The following ME2 variants were observed in gnomAD, a reference collection of about 807,000 sequenced individuals.
ME2 encodes NAD-dependent malic enzyme, mitochondrial.
Under a neutral mutation model 73.7 loss-of-function variants are expected in ME2, and 60 were observed. The ratio of observed to expected loss-of-function variants is 0.81; its 90% CI spans 0.66 to 1.01. The LOEUF is 1.01. ME2 is among the 50% of genes least tolerant of loss of function. ME2 has a pLI of 0.00. For missense variants in ME2, 594 were observed against 705.5 expected (o/e 0.84, Z 1.79); for synonymous variants, 199 against 236.9 (o/e 0.84, Z 1.47).
intron 1 of ME2, among the ~76,000 whole-genome samples, chr18:50,886,948 C>G (rs1916487385): frequency 6.6e-6 from 1 of 152,012 alleles, no homozygotes; most frequent in Non-Finnish European, 1.5e-5. Context: ...CTGCAGTGAG[C>G]TGAGATCGTG....
chr18:50,908,332 A>T, intron 3 of ME2, 136 bp downstream of exon 3: 1 of 583,348 alleles, frequency 1.7e-6, no homozygotes, highest in Non-Finnish European at 2.8e-6. Context: ...TTTTATAAAG[A>T]TTGTGTTTCT....
rs1443317443 is a variant in ME2 at position 50,879,137 on chromosome 18, C to A, written c.-184C>A. The A allele has an allele frequency of 2.0e-5, 3 of 152,212 alleles. No individual in the cohort carries two copies. The highest frequency in any genetic ancestry group is 1.3e-4 in the Admixed American group (2 of 15,288). 9.4% of individuals were successfully genotyped at this position (152,212 alleles called of 1,614,324 possible). A position where few individuals can be genotyped will look rare whatever the true frequency, so the allele number is the denominator to read the frequency against. Reference sequence around the variant, plus strand: ...TCCCCTCTCTCGGCCGCTCTTCGGGCCGCCTCTGCGTGTGGGGCCGCCCGC... The same window carrying A: ...TCCCCTCTCTCGGCCGCTCTTCGGGACGCCTCTGCGTGTGGGGCCGCCCGC... On this transcript the variant is annotated 5_prime_UTR_variant, in exon 1 of 16. Coordinates refer to ENST00000321341, the MANE Select transcript of ME2 (RefSeq NM_002396.5).
chr18:50,922,830 C>T (rs1917461587), intron 10 of ME2, among the ~76,000 whole-genome samples: 1 of 152,178 alleles, frequency 6.6e-6, no homozygotes, highest in Non-Finnish European at 1.5e-5. Context: ...ACTGTTTGCT[C>T]AGCCTGGTTT....
chr18:50,915,973 A>G (rs1599106873), intron 4 of ME2, 195 bp from the exon 5 acceptor site: 2 of 443,270 alleles, frequency 4.5e-6, no homozygotes, highest in East Asian at 7.3e-5. Flanking sequence ...TCTTTGTTGC[A>G]TCTGCTATGA....
At chr18:50,946,818 C>A (rs184263304) in intron 15 of ME2, among the ~76,000 whole-genome samples, 199 bp from the exon 16 acceptor site, 5 of 152,294 alleles carry the variant, frequency 3.3e-5, no homozygotes, top group Non-Finnish European at 5.9e-5. Context: ...CACAGTAGAA[C>A]TTAAATGTGT....
rs1234501335 is a variant in ME2 at position 50,921,177 on chromosome 18, T to A, written c.1046T>A (p.Leu349Ter). The A allele has an allele frequency of 6.4e-7, 1 of 1,554,648 alleles. No individual in the cohort carries two copies. The highest frequency in any genetic ancestry group is 8.8e-7 in the Non-Finnish European group (1 of 1,135,966). Residue 349 changes from leucine to a stop codon, truncating the protein, a stop_gained, in exon 10 of 16, where the codon TTA becomes TAA. Coordinates refer to ENST00000321341, the MANE Select transcript of ME2 (RefSeq NM_002396.5). LOFTEE classifies it high-confidence loss of function. ...KKIWMFDKYG[L>*]LVKGRKAKID... The stretch of plus-strand genomic sequence containing the variant: ...ATCTGGATGTTTGACAAGTATGGTT[T>A]ATTAGTTAAGGTAAGGTATTTAAAA...
intron 1 of ME2, among the ~76,000 whole-genome samples, chr18:50,881,064 T>G (rs954004370): frequency 7.9e-5 from 12 of 152,244 alleles, no homozygotes; most frequent in Non-Finnish European, 1.3e-4. Context: ...GTTTTGCTCT[T>G]GTTGCCCAGG....
At chr18:50,928,389 C>A (rs577039704) in intron 12 of ME2, among the ~76,000 whole-genome samples, 1 of 151,762 alleles carries the variant, frequency 6.6e-6, no homozygotes, top group Non-Finnish European at 1.5e-5. Flanking sequence ...GGGTGCCCGC[C>A]ACCATGCCCG....
chr18:50,892,073 G>A (rs1207692233), intron 1 of ME2, among the ~76,000 whole-genome samples: 2 of 151,568 alleles, frequency 1.3e-5, no homozygotes, highest in East Asian at 3.9e-4. Context: ...TGCCTGCCTC[G>A]GCCTCCCAAA....
At chr18:50,895,296 TTAAA>T (rs1916710638) in intron 1 of ME2, among the ~76,000 whole-genome samples, 1 of 152,208 alleles carries the variant, frequency 6.6e-6, no homozygotes, top group South Asian at 2.1e-4. Context: ...TTTGTTTATA[TTAAA>T]TAACAGGTTT....
chr18:50,949,855 G>A lies in ME2; in HGVS notation c.*2671G>A, dbSNP rs1488094718. ...TTTCAACAAGTATCAATTATTGGAT[G>A]TAAATTAAAGTAAAATTGCTTAATA... On this transcript the variant is annotated 3_prime_UTR_variant, in exon 16 of 16. Coordinates refer to ENST00000321341, the MANE Select transcript of ME2 (RefSeq NM_002396.5). 1 of 152,060 alleles carries A rather than the reference G, an allele frequency of 6.6e-6. No individual in the cohort carries two copies. The highest frequency in any genetic ancestry group is 2.4e-5 in the African/African-American group (1 of 41,318). The allele number at this position is 152,060 out of a possible 1,614,324, so 9.4% of individuals were successfully genotyped here.
At chr18:50,944,229 A>G (rs1918031045) in intron 15 of ME2, among the ~76,000 whole-genome samples, 1 of 152,136 alleles carries the variant, frequency 6.6e-6, no homozygotes, top group Non-Finnish European at 1.5e-5. Context: ...AAGAAAAAAG[A>G]GAGAGAAATA....
rs768261621 is a variant in ME2 at position 50,925,865 on chromosome 18, G to A, written c.1281G>A (p.Glu427=). 6.2e-7 allele frequency: 1 copy of A among 1,611,066 alleles called. No homozygotes were observed. Among genetic ancestry groups the A allele is most frequent in the Non-Finnish European group, 8.5e-7 (1 of 1,177,270 alleles). The stretch of plus-strand genomic sequence containing the variant: ...TAAGTAATCCTACAGCACAGGCAGA[G>A]TGCACGGCTGAAGAAGCATATACAC... ...FALSNPTAQA[E]CTAEEAYTLT... is the part of the protein sequence containing the mutation. Residue 427 remains glutamate (E), a synonymous_variant, in exon 12 of 16, where the codon GAG becomes GAA. Coordinates refer to ENST00000321341, the MANE Select transcript of ME2 (RefSeq NM_002396.5).
intron 15 of ME2, among the ~76,000 whole-genome samples, chr18:50,945,884 T>A (rs8087175): frequency 0.026 from 3,951 of 152,206 alleles, 49 homozygotes; most frequent in South Asian, 0.07. Flanking sequence ...CTAGCCAACA[T>A]GGCAAAACCC....
chr18:50,949,968 ATTACCT>A lies in ME2; in HGVS notation c.*2786_*2791del, dbSNP rs1178918941. The A allele has an allele frequency of 2.6e-5, 4 of 152,250 alleles. No individual in the cohort carries two copies. The highest frequency in any genetic ancestry group is 5.9e-5 in the Non-Finnish European group (4 of 68,048). The allele number at this position is 152,250 out of a possible 1,614,324, so 9.4% of individuals were successfully genotyped here. ...ATCAAGCTGGAAAAGAAATTAAAAC[ATTACCT>A]TCGATGAGACTTTACCTAGCAAGAA... On this transcript the variant is annotated 3_prime_UTR_variant, in exon 16 of 16. Transcript: ENST00000321341.
At position 50,917,459 on chromosome 18, in the gene ME2, G is replaced by A. The variant is rs548002959; in HGVS notation, c.581G>A (p.Arg194Gln). ...LCLYTACAGIRPDRCLPVCID... is the reference protein window; with the variant it reads ...LCLYTACAGIQPDRCLPVCID... ...TTGTATACAGCTTGTGCAGGAATAC[G>A]GCCTGATAGATGCCTGCCAGTGTGT... The change falls in exon 6 of 16, where the codon CGG becomes CAG. Residue 194 changes from arginine to glutamine, a missense_variant. Arg to Gln is a conservative substitution (Grantham distance 43). Transcript: ENST00000321341. The A allele has an allele frequency of 3.5e-5, 57 of 1,613,156 alleles. No homozygotes were observed. Among genetic ancestry groups the A allele is most frequent in the African/African-American group, 8.0e-5 (6 of 74,968 alleles).
intron 12 of ME2, among the ~76,000 whole-genome samples, chr18:50,927,721 CATATATATATAT>C (rs368161371): frequency 4.2e-4 from 36 of 85,450 alleles, no homozygotes; most frequent in Admixed American, 7.2e-4. Context: ...CCCAAAAAAC[CATATATATATAT>C]ATATATATAT....
At chr18:50,889,543 A>G (rs138076799) in intron 1 of ME2, among the ~76,000 whole-genome samples, 1 of 152,310 alleles carries the variant, frequency 6.6e-6, no homozygotes, top group African/African-American at 2.4e-5. Context: ...TTGAAGACAT[A>G]TTAGAATAAA....
At chr18:50,924,290 A>G (rs1371517484) in intron 11 of ME2, 78 bp downstream of exon 11, 3 of 968,650 alleles carry the variant, frequency 3.1e-6, no homozygotes, top group Non-Finnish European at 4.7e-6. Context: ...TAGGATTACT[A>G]AAAATGAATT....
Sources: gnomAD v4.1 joint callset for allele counts (sites outside exome capture counted in the v4.1 genomes callset) on GRCh38, gnomAD v4.1.1 for gene constraint, MANE v1.5 for transcripts, NCBI Gene and HGNC (gene_info 2026-07-23, HGNC 2026-07-21) for gene names.